Variants in REL observed in about 807,000 individuals in gnomAD.
REL encodes proto-oncogene c-Rel.
A neutral mutation model predicts 45.9 loss-of-function variants in REL; 15 were observed. The ratio of observed to expected loss-of-function variants is 0.33; its 90% CI spans 0.22 to 0.50. The LOEUF (loss-of-function observed/expected upper bound fraction) is 0.50, where lower values mean the gene tolerates loss of function less well. REL is among the 20% of genes least tolerant of loss of function. The probability of loss-of-function intolerance (pLI) is 0.98; values close to 1 mark genes in which losing one functional copy is unlikely to be tolerated. For synonymous variants in REL, 239 were observed against 242.1 expected (o/e 0.99, Z 0.12); for missense variants, 601 against 715.2 (o/e 0.84, Z 1.82).
intron 1 of REL, among the ~76,000 whole-genome samples, chr2:60,884,203 A>G (rs1573308509): frequency 6.6e-6 from 1 of 151,934 alleles, no homozygotes; most frequent in South Asian, 2.1e-4. Context: ...TTTATTCATT[A>G]CGAAGTATTT....
intron 4 of REL, among the ~76,000 whole-genome samples, chr2:60,910,862 G>A (rs1673794413): frequency 6.6e-6 from 1 of 152,124 alleles, no homozygotes; most frequent in South Asian, 2.1e-4. Context: ...AACCCTGGAG[G>A]CAGAGGCTGC....
chr2:60,898,424 G>A (rs983712011), intron 3 of REL, among the ~76,000 whole-genome samples: 1 of 152,040 alleles, frequency 6.6e-6, no homozygotes, highest in Non-Finnish European at 1.5e-5. Context: ...AGTTTCCTCT[G>A]TTTCCACTGC....
intron 7 of REL, 27 bp from the exon 8 acceptor site, chr2:60,920,014 C>T: frequency 1.3e-6 from 2 of 1,493,364 alleles, no homozygotes; most frequent in Non-Finnish European, 1.8e-6. Flanking sequence ...AATTTTTTAT[C>T]TGCTTTCCTG....
rs923033876 is a variant in REL, at chr2:60,923,190, G to A, written c.*655G>A. The A allele has an allele frequency of 6.2e-5, 13 of 208,974 alleles. No individual in the cohort carries two copies. The highest frequency in any genetic ancestry group is 1.3e-4 in the Non-Finnish European group (13 of 102,700). 12.9% of individuals were successfully genotyped at this position (208,974 alleles called of 1,614,324 possible). A position where few individuals can be genotyped will look rare whatever the true frequency, so the allele number is the denominator to read the frequency against. ...AATTTTTTATTTTTGAGGCCCATGGGCCAAGGTAACCCCTAAGGGGTTTTC... is the reference window on the plus strand; with the variant it reads ...AATTTTTTATTTTTGAGGCCCATGGACCAAGGTAACCCCTAAGGGGTTTTC... On this transcript the variant is annotated 3_prime_UTR_variant, in exon 10 of 10. Transcript: ENST00000394479.
chr2:60,894,378 A>G lies in REL; in HGVS notation c.154-19A>G. 1 of 1,421,734 alleles carries G rather than the reference A, an allele frequency of 7.0e-7. No homozygotes were observed. Among genetic ancestry groups the G allele is most frequent in the Non-Finnish European group, 9.6e-7 (1 of 1,047,078 alleles). The allele number at this position is 1,421,734 out of a possible 1,614,324, so 88.1% of individuals were successfully genotyped here. A position where few individuals can be genotyped will look rare whatever the true frequency, so the allele number is the denominator to read the frequency against. ...TGCAGTCTATTTGGATCATGTATTT[A>G]ATTTCCCCCTTTTTTCAGATTATGA... On this transcript the variant is annotated intron_variant, in intron 2 of 9. Transcript: ENST00000394479.
chr2:60,916,231 A>G (rs563959053), intron 4 of REL, among the ~76,000 whole-genome samples: 3 of 152,174 alleles, frequency 2.0e-5, no homozygotes, highest in Admixed American at 1.3e-4. Flanking sequence ...TGGGCAACAT[A>G]GTGAAACCCC....
chr2:60,896,889 A>G (rs1039177064), intron 3 of REL, among the ~76,000 whole-genome samples: 5 of 152,194 alleles, frequency 3.3e-5, no homozygotes, highest in African/African-American at 4.8e-5. Flanking sequence ...CCCATTAAGG[A>G]TTACACACTA....
At chr2:60,904,431 C>T (rs1290433434) in intron 4 of REL, among the ~76,000 whole-genome samples, 2 of 150,608 alleles carry the variant, frequency 1.3e-5, no homozygotes, top group South Asian at 4.2e-4. Context: ...ATTAGCCGGG[C>T]GTGGTGGCGC....
chr2:60,893,550 A>T (rs892839654), intron 2 of REL, among the ~76,000 whole-genome samples: 42 of 152,334 alleles, frequency 2.8e-4, no homozygotes, highest in Admixed American at 1.0e-3. Flanking sequence ...GGTCCTAAAC[A>T]CTTTACAGCT....
chr2:60,902,675 C>T (rs925797971), intron 4 of REL, among the ~76,000 whole-genome samples: 1 of 149,726 alleles, frequency 6.7e-6, no homozygotes, highest in Non-Finnish European at 1.5e-5. Context: ...ATCACTGCGG[C>T]GTTGACATCC....
chr2:60,911,600 A>C (rs756324943), intron 4 of REL, among the ~76,000 whole-genome samples: 13 of 152,208 alleles, frequency 8.5e-5, no homozygotes, highest in Non-Finnish European at 1.6e-4. Context: ...CAAAGAAATG[A>C]TAAGATTTCT....
chr2:60,896,742 AAAAC>A (rs2103937977), intron 3 of REL, among the ~76,000 whole-genome samples: 1 of 152,302 alleles, frequency 6.6e-6, no homozygotes, highest in African/African-American at 2.4e-5. Flanking sequence ...GCTTTCTGTG[AAAAC>A]AAACTTCCAT....
chr2:60,906,893 GTA>G lies in REL; in HGVS notation c.394+5830_394+5831del, dbSNP rs1355849482. ...TGTGCGTGTGTGTATGTGTGTGTGT[GTA>G]TATATATATATATATATATTTTTTT... On this transcript the variant is annotated intron_variant, in intron 4 of 9. Transcript: ENST00000394479. 1.2e-3 allele frequency among the ~76,000 whole-genome samples: 151 copies of G among 121,402 alleles called. 2 individuals carry two copies. The highest frequency in any genetic ancestry group is 2.8e-3 in the South Asian group (11 of 3,866). The allele number at this position is 121,402 out of a possible 152,430, so 79.6% of individuals were successfully genotyped here.
chr2:60,920,153 T>C, intron 8 of REL, 44 bp downstream of exon 8: 1 of 1,327,050 alleles, frequency 7.5e-7, no homozygotes, highest in Non-Finnish European at 1.1e-6. Flanking sequence ...AGGTTTTGTT[T>C]TATTTACTTT....
chr2:60,905,000 C>T (rs548294844), intron 4 of REL, among the ~76,000 whole-genome samples: 10 of 152,314 alleles, frequency 6.6e-5, no homozygotes, highest in African/African-American at 2.2e-4. Flanking sequence ...TTTAACAACT[C>T]TACCATGCCG....
chr2:60,894,667 T>C, intron 3 of REL, 122 bp downstream of exon 3: 1 of 668,148 alleles, frequency 1.5e-6, no homozygotes. Flanking sequence ...CTATTTACTG[T>C]ATTTTACACT....
intron 3 of REL, among the ~76,000 whole-genome samples, chr2:60,895,084 C>G (rs1673316557): frequency 6.6e-6 from 1 of 151,786 alleles, no homozygotes; most frequent in South Asian, 2.1e-4. Context: ...GTCTGGAACT[C>G]CCGACCTCAG....
intron 4 of REL, among the ~76,000 whole-genome samples, chr2:60,907,055 G>A (rs898437877): frequency 7.9e-5 from 12 of 151,418 alleles, no homozygotes; most frequent in African/African-American, 2.9e-4. Context: ...GAGTAGCTGG[G>A]ACTACAGGCA....
chr2:60,881,865 G>A lies in REL; in HGVS notation c.10+15G>A, dbSNP rs1298167943. ...CATGGCCTCCGGTGAGTGTTCATGG[G>A]GCGCGGGCCTGGGCCGGGGGAAAGG... On this transcript the variant is annotated intron_variant, in intron 1 of 9. Transcript: ENST00000394479. The A allele has an allele frequency of 1.4e-6, 2 of 1,478,678 alleles. No homozygotes were observed. The highest frequency in any genetic ancestry group is 1.5e-5 in the African/African-American group (1 of 68,880). The allele number at this position is 1,478,678 out of a possible 1,614,324, so 91.6% of individuals were successfully genotyped here. A position where few individuals can be genotyped will look rare whatever the true frequency, so the allele number is the denominator to read the frequency against.
Sources: allele counts gnomAD v4.1 joint callset (sites outside exome capture counted in the v4.1 genomes callset), GRCh38; gene constraint gnomAD v4.1.1; transcripts MANE v1.5; gene names NCBI Gene and HGNC (gene_info 2026-07-23, HGNC 2026-07-21).